ZC3HAV1: variants seen among roughly 807,000 people sequenced by gnomAD.
ZC3HAV1 encodes zinc finger CCCH-type containing, antiviral 1.
ZC3HAV1 carries 41 observed loss-of-function variants against 86.6 expected under a neutral mutation model. The ratio of observed to expected loss-of-function variants is 0.47; its 90% CI spans 0.37 to 0.61. The LOEUF is 0.61. Among genes scored for constraint, ZC3HAV1 ranks in the 20% least tolerant of loss-of-function variants. The pLI, the probability that ZC3HAV1 is intolerant of heterozygous loss-of-function variation, is 0.00. For missense variants in ZC3HAV1, 964 were observed against 1,141.1 expected, an observed-to-expected ratio of 0.84 and a Z score of 2.24; for synonymous variants, 421 against 432.1, an observed-to-expected ratio of 0.97 and a Z score of 0.32.
intron 1 of ZC3HAV1, among the ~76,000 whole-genome samples, chr7:139,104,837 G>A (rs1053768601): frequency 6.6e-6 from 1 of 150,736 alleles, no homozygotes; most frequent in Non-Finnish European, 1.5e-5. Context: ...TTTGAGAGCA[G>A]CCCAGGCAAA....
chr7:139,068,787 C>G (rs1816682114), intron 7 of ZC3HAV1, among the ~76,000 whole-genome samples: 1 of 152,120 alleles, frequency 6.6e-6, no homozygotes, highest in South Asian at 2.1e-4. Context: ...GTAACATTTC[C>G]CCTTGGTTCA....
Position 139,044,424 on chromosome 7 carries a change from ATCT to A in ZC3HAV1, c.*3167_*3169del, listed in dbSNP as rs1408348912. On this transcript the variant is annotated 3_prime_UTR_variant, in exon 13 of 13. Transcript: ENST00000242351. ...CCTGAGCGTTTACATAATGAAATTC[ATCT>A]TCTTTTCATTATAAATTTCTTCTTT... 5.9e-5 allele frequency: 9 copies of A among 152,218 alleles called. No homozygotes were observed. Among genetic ancestry groups the A allele is most frequent in the Non-Finnish European group, 1.0e-4 (7 of 68,038 alleles). 9.4% of individuals were successfully genotyped at this position (152,218 alleles called of 1,614,324 possible).
chr7:139,076,074 A>G, intron 6 of ZC3HAV1, among the ~76,000 whole-genome samples: 1 of 152,220 alleles, frequency 6.6e-6, no homozygotes. Flanking sequence ...CTCTGGTATT[A>G]GCCAGGCTCA....
chr7:139,109,346 G>A lies in ZC3HAV1; in HGVS notation c.-15C>T, dbSNP rs780032290. On this transcript the variant is annotated 5_prime_UTR_variant, in exon 1 of 13. Coordinates refer to ENST00000242351, the MANE Select transcript of ZC3HAV1 (RefSeq NM_020119.4). The stretch of plus-strand genomic sequence containing the variant: ...GGGTCCGCCATGGCGCGCTGGCTGT[G>A]CTGGCTCTGCCGCGGCGCGGGACTC... The A allele has an allele frequency of 3.9e-6, 6 of 1,558,124 alleles. No individual in the cohort carries two copies. Among genetic ancestry groups the A allele is most frequent in the Non-Finnish European group, 5.2e-6 (6 of 1,152,544 alleles).
At chr7:139,065,273 T>C (rs1190631923) in intron 7 of ZC3HAV1, among the ~76,000 whole-genome samples, 2 of 152,188 alleles carry the variant, frequency 1.3e-5, no homozygotes, top group Non-Finnish European at 2.9e-5. Flanking sequence ...TTTACAGCCT[T>C]CCATAAAATA....
intron 3 of ZC3HAV1, among the ~76,000 whole-genome samples, chr7:139,083,344 G>A (rs772716933): frequency 1.3e-5 from 2 of 152,098 alleles, no homozygotes; most frequent in Non-Finnish European, 2.9e-5. Flanking sequence ...ACATATGCAT[G>A]AAGTTTGGAA....
intron 1 of ZC3HAV1, among the ~76,000 whole-genome samples, chr7:139,101,491 C>CGA (rs1210731220): frequency 3.9e-5 from 4 of 103,838 alleles, no homozygotes; most frequent in Non-Finnish European, 5.7e-5. Context: ...TCAGCCCGGC[C>CGA]ACCACCCCGT....
At chr7:139,065,859 G>A (rs562875700) in intron 7 of ZC3HAV1, among the ~76,000 whole-genome samples, 2 of 152,168 alleles carry the variant, frequency 1.3e-5, no homozygotes, top group African/African-American at 2.4e-5. Context: ...AGCCAAGATC[G>A]TGCCACTGCA....
Position 139,055,237 on chromosome 7 carries a change from C to T in ZC3HAV1, c.2155G>A (p.Asp719Asn), listed in dbSNP as rs751477174. 1 of 1,613,072 alleles carries T rather than the reference C, an allele frequency of 6.2e-7. No homozygotes were observed. Among genetic ancestry groups the T allele is most frequent in the Non-Finnish European group, 8.5e-7 (1 of 1,179,490 alleles). ...SLTATFRPQE[D>N]FCFLSSKKYK... ...TTCTTTGAGGATAGGAAGCAAAAGT[C>T]CTCCTGAGGACGAAAGGTCGCAGTT... The change falls in exon 10 of 13, where the codon GAC becomes AAC. Residue 719 changes from aspartate (D) to asparagine (N), a missense_variant. Asp to Asn is a conservative substitution (Grantham distance 23). Coordinates refer to ENST00000242351, the MANE Select transcript of ZC3HAV1 (RefSeq NM_020119.4).
chr7:139,046,338 C>T lies in ZC3HAV1; in HGVS notation c.*1256G>A, dbSNP rs1467602002. Reference sequence around the variant, plus strand: ...CCGTCCTTCAGTAGGAATGGCCCTGCTCCTAGGTTCTTGGCTCACTTGCCA... The same window carrying T: ...CCGTCCTTCAGTAGGAATGGCCCTGTTCCTAGGTTCTTGGCTCACTTGCCA... On this transcript the variant is annotated 3_prime_UTR_variant, in exon 13 of 13. Transcript: ENST00000242351. 6.6e-6 allele frequency: 1 copy of T among 152,168 alleles called. No homozygotes were observed. The highest frequency in any genetic ancestry group is 1.5e-5 in the Non-Finnish European group (1 of 68,028). 9.4% of individuals were successfully genotyped at this position (152,168 alleles called of 1,614,324 possible).
Position 139,047,402 on chromosome 7 carries a change from C to T in ZC3HAV1, c.*192G>A. ...GAAATGATTTCATTGGCATGGGGTG[C>T]AACCTGGGCATCAGAATTTGTTTAA... On this transcript the variant is annotated 3_prime_UTR_variant, in exon 13 of 13. Coordinates refer to ENST00000242351, the MANE Select transcript of ZC3HAV1 (RefSeq NM_020119.4). 1.6e-6 allele frequency: 1 copy of T among 632,194 alleles called. No homozygotes were observed. The highest frequency in any genetic ancestry group is 2.6e-6 in the Non-Finnish European group (1 of 381,838). The allele number at this position is 632,194 out of a possible 1,614,324, so 39.2% of individuals were successfully genotyped here. A position where few individuals can be genotyped will look rare whatever the true frequency, so the allele number is the denominator to read the frequency against.
chr7:139,049,061 A>G (rs1816044210), intron 12 of ZC3HAV1, among the ~76,000 whole-genome samples: 1 of 151,140 alleles, frequency 6.6e-6, no homozygotes, highest in Admixed American at 6.6e-5. Flanking sequence ...CTGTTCTACA[A>G]CTTTTTTTTC....
At chr7:139,060,035 C>A (rs1247261459) in intron 9 of ZC3HAV1, among the ~76,000 whole-genome samples, 1 of 152,184 alleles carries the variant, frequency 6.6e-6, no homozygotes, top group Non-Finnish European at 1.5e-5. Flanking sequence ...AGCATCCAGG[C>A]TGTTAACCTG....
chr7:139,075,340 T>A (rs1437369565), intron 6 of ZC3HAV1, among the ~76,000 whole-genome samples: 1 of 152,226 alleles, frequency 6.6e-6, no homozygotes, highest in Non-Finnish European at 1.5e-5. Flanking sequence ...AATTTCCTTA[T>A]AAAACTGGGA....
At chr7:139,088,980 T>C (rs1483864181) in intron 2 of ZC3HAV1, among the ~76,000 whole-genome samples, 1 of 152,036 alleles carries the variant, frequency 6.6e-6, no homozygotes, top group East Asian at 1.9e-4. Context: ...CAGGCACCTG[T>C]AATCCCTGCT....
rs1307809404 is a variant in ZC3HAV1 at position 139,060,911 on chromosome 7, A to G, written c.2096+125T>C. ...TTACTCATCGATAATGCAAATGGAA[A>G]CTGCAGAGTAATGCAAACAGGAACT... is the stretch of plus-strand genomic sequence containing the variant. On this transcript the variant is annotated intron_variant, in intron 9 of 12. Coordinates refer to ENST00000242351, the MANE Select transcript of ZC3HAV1 (RefSeq NM_020119.4). 3.8e-6 allele frequency: 6 copies of G among 1,589,916 alleles called. No individual in the cohort carries two copies. The African/African-American group carries it at 6.7e-5, about 18-fold the overall frequency.
rs79889839 is a variant in ZC3HAV1 at position 139,074,130 on chromosome 7, C to G, written c.1698-100G>C. 527 of 1,171,992 alleles carry G rather than the reference C, an allele frequency of 4.5e-4. 5 individuals carry two copies. In the African/African-American group the frequency reaches 7.7e-3, roughly 17 times the overall value. The allele number at this position is 1,171,992 out of a possible 1,614,324, so 72.6% of individuals were successfully genotyped here. On this transcript the variant is annotated intron_variant, in intron 6 of 12. Transcript: ENST00000242351. ...AGAGCACAGAATTAAACTTTCAGGGCTAAAATAGATCTTCAAGTTTTCTTT... is the reference window on the plus strand; with the variant it reads ...AGAGCACAGAATTAAACTTTCAGGGGTAAAATAGATCTTCAAGTTTTCTTT...
rs1200128816 is a variant in ZC3HAV1 at position 139,106,392 on chromosome 7, C to A, written c.308+2632G>T. Among the ~76,000 whole-genome samples, 6 of 152,170 alleles carry A rather than the reference C, an allele frequency of 3.9e-5. No homozygotes were observed. The East Asian group carries it at 1.2e-3, about 29-fold the overall frequency. On this transcript the variant is annotated intron_variant, in intron 1 of 12. Coordinates refer to ENST00000242351, the MANE Select transcript of ZC3HAV1 (RefSeq NM_020119.4). ...CTTTGGGAGGCCTAGGCCGGCAGAT[C>A]GCTTGAGCTCAGGAGTTCGAGACCG...
intron 9 of ZC3HAV1, among the ~76,000 whole-genome samples, chr7:139,056,046 A>G (rs73467792): frequency 0.1 from 15,832 of 152,238 alleles, 1,797 homozygotes; most frequent in African/African-American, 0.29. Flanking sequence ...GAAGCCATCA[A>G]TTGTATAGCA....
Sources: gnomAD v4.1 joint callset for allele counts (sites outside exome capture counted in the v4.1 genomes callset) on GRCh38, gnomAD v4.1.1 for gene constraint, MANE v1.5 for transcripts, NCBI Gene and HGNC (gene_info 2026-07-23, HGNC 2026-07-21) for gene names.